The following HOMER2 variants were observed in gnomAD, a reference collection of about 807,000 sequenced individuals.
The protein encoded by HOMER2 is homer scaffold protein 2, also known as homer protein homolog 2.
In HOMER2, 27 loss-of-function variants were observed where a neutral mutation model predicts 47.0. The observed-to-expected ratio is 0.57, with a 90% CI of 0.42 to 0.79. The LOEUF (loss-of-function observed/expected upper bound fraction) is 0.79, where lower values mean the gene tolerates loss of function less well. Among genes scored for constraint, HOMER2 ranks in the 30% least tolerant of loss-of-function variants. The probability of loss-of-function intolerance (pLI) is 0.00; values close to 1 mark genes in which losing one functional copy is unlikely to be tolerated. For missense variants in HOMER2, 443 were observed against 435.0 expected (o/e 1.02, Z -0.16); for synonymous variants, 161 against 163.8 (o/e 0.98, Z 0.13).
chr15:82,962,497 C>T (rs539455137), intron 1 of HOMER2, among the ~76,000 whole-genome samples: 22 of 151,756 alleles, frequency 1.4e-4, no homozygotes, highest in Admixed American at 8.5e-4. Context: ...ACCAACACGG[C>T]GAAATGCTGT....
intron 4 of HOMER2, 163 bp from the exon 5 acceptor site, chr15:82,859,298 G>T: frequency 1.7e-5 from 13 of 746,828 alleles, no homozygotes; most frequent in Admixed American, 3.7e-5. Context: ...AGACTAACAA[G>T]TTTTTGTTTT....
chr15:82,850,424 C>G (rs1324164266), intron 8 of HOMER2, among the ~76,000 whole-genome samples: 2 of 152,228 alleles, frequency 1.3e-5, no homozygotes, highest in Non-Finnish European at 2.9e-5. Flanking sequence ...TCTGTGCACC[C>G]TCTGATGCTG....
chr15:82,842,305 T>C (rs902468673), exon 2 of HOMER2: 1 of 151,898 alleles, frequency 6.6e-6, no homozygotes, highest in Non-Finnish European at 1.5e-5. Context: ...TTGGAAGGTT[T>C]TTTTTTTGTT....
intron 1 of HOMER2, among the ~76,000 whole-genome samples, chr15:82,915,865 AG>A (rs1411279307): frequency 1.3e-5 from 2 of 152,232 alleles, no homozygotes; most frequent in African/African-American, 4.8e-5. Context: ...AATGCCCCAA[AG>A]TTGAGGATTG....
At chr15:82,959,335 T>G (rs2054611540) in intron 1 of HOMER2, 1 of 152,236 alleles carries the variant, frequency 6.6e-6, no homozygotes, top group Non-Finnish European at 1.5e-5. Context: ...GTAAATAGAT[T>G]CAGGGTGGTG....
intron 1 of HOMER2, among the ~76,000 whole-genome samples, chr15:82,962,488 C>A (rs576942897): frequency 6.6e-6 from 1 of 151,966 alleles, no homozygotes; most frequent in Non-Finnish European, 1.5e-5. Context: ...ACCAGCCTGA[C>A]CAACACGGCG....
chr15:82,965,391 T>C (rs578117014), intron 1 of HOMER2, among the ~76,000 whole-genome samples: 2 of 152,288 alleles, frequency 1.3e-5, no homozygotes, highest in East Asian at 1.9e-4. Context: ...TTTTAGGAAA[T>C]GCTGAAATAA....
At chr15:82,952,410 G>T in intron 1 of HOMER2, 121 bp downstream of exon 1, 1 of 692,484 alleles carries the variant, frequency 1.4e-6, no homozygotes, top group Non-Finnish European at 1.9e-6. Context: ...GTGTGCGCTC[G>T]CTCCGGCTTG....
downstream of HOMER2, chr15:82,845,006 A>G (rs1048760456): frequency 2.6e-5 from 4 of 152,108 alleles, no homozygotes; most frequent in African/African-American, 9.7e-5. Context: ...GGCCCAGGAG[A>G]ACACTTTGCC....
intron 1 of HOMER2, among the ~76,000 whole-genome samples, chr15:82,961,105 G>T (rs2054627353): frequency 6.6e-6 from 1 of 152,188 alleles, no homozygotes; most frequent in Non-Finnish European, 1.5e-5. Flanking sequence ...CTCTCCAACT[G>T]CTTGCCCCGC....
intron 3 of HOMER2, among the ~76,000 whole-genome samples, chr15:82,868,523 TTATA>T (rs1244361918): frequency 5.5e-5 from 2 of 36,646 alleles, no homozygotes; most frequent in Non-Finnish European, 9.3e-5. Flanking sequence ...CTTATTTATT[TTATA>T]TATATATATA....
At chr15:82,847,422 G>A (rs1302591539), downstream of HOMER2, among the ~76,000 whole-genome samples, 1 of 152,184 alleles carries the variant, frequency 6.6e-6, no homozygotes, top group African/African-American at 2.4e-5. Flanking sequence ...CAGCTGTAGA[G>A]CTGGACACAC....
At chr15:82,849,980 C>A in intron 8 of HOMER2, 77 bp from the exon 9 acceptor site, 1 of 1,439,240 alleles carries the variant, frequency 6.9e-7, no homozygotes, top group Non-Finnish European at 9.6e-7. Context: ...ACAGCTGAAC[C>A]AACCATTCTC....
In HOMER2 at chr15:82,849,447, C is replaced by T; in HGVS notation, c.*268G>A. 2.0e-6 allele frequency: 1 copy of T among 488,750 alleles called. No homozygotes were observed. The highest frequency in any genetic ancestry group is 3.4e-5 in the East Asian group (1 of 29,756). 30.3% of individuals were successfully genotyped at this position (488,750 alleles called of 1,614,324 possible). On this transcript the variant is annotated 3_prime_UTR_variant, in exon 9 of 9. Coordinates refer to ENST00000450735, the MANE Select transcript of HOMER2 (RefSeq NM_004839.4). The stretch of plus-strand genomic sequence containing the variant: ...AGCCCTTATGAAAGATATAAACATC[C>T]CTGCCCTGACTGCATAAATGTTGAA...
At chr15:82,957,972 G>A (rs1384327554), downstream of HOMER2, among the ~76,000 whole-genome samples, 6 of 152,148 alleles carry the variant, frequency 3.9e-5, no homozygotes, top group Non-Finnish European at 5.9e-5. Flanking sequence ...CAAGTAGCTC[G>A]GATTAGAGGC....
chr15:82,841,027 C>T (rs768706542), exon 2 of HOMER2: 2 of 152,042 alleles, frequency 1.3e-5, no homozygotes, highest in Non-Finnish European at 2.9e-5. Context: ...AACTATTCAT[C>T]TTATTTAGGT....
At chr15:82,882,883 T>TACTGAAACACATCCACTCC (rs1567033115) in intron 2 of HOMER2, among the ~76,000 whole-genome samples, 9 of 61,660 alleles carry the variant, frequency 1.5e-4, no homozygotes, top group South Asian at 9.9e-4. Context: ...AGCCACTGCT[T>TACTGAAACACATCCACTCC]TTTTTTTTTT....
chr15:82,864,199 C>T lies in HOMER2; in HGVS notation c.355G>A (p.Glu119Lys), dbSNP rs1381508010. 1 of 1,611,154 alleles carries T rather than the reference C, an allele frequency of 6.2e-7. No individual in the cohort carries two copies. The highest frequency in any genetic ancestry group is 1.3e-5 in the African/African-American group (1 of 74,830). The change falls in exon 4 of 9, where the codon GAG (glutamate) becomes AAG (lysine). Residue 119 changes from glutamate to lysine, a missense_variant. Coordinates refer to ENST00000450735, the MANE Select transcript of HOMER2 (RefSeq NM_004839.4). ...TGATTACTTGAGGTCTCGATTTTCT[C>T]CTGCGTCTTGTCTTTGGCTATCTTG... ...AAKIAKDKTQ[E>K]KIETSSNHSQ...
rs188328460 is a variant in HOMER2 at position 82,925,615 on chromosome 15, T to C, written c.5+26916A>G. Among the ~76,000 whole-genome samples the C allele has an allele frequency of 6.7e-4, 102 of 152,310 alleles. 1 individual carries two copies. In the East Asian group the frequency reaches 0.018, roughly 26 times the overall value. ...AAATTTCCCTTTGGCTGTGTAACCC[T>C]TAAGAGTTCCTTCTTCCCTTTGACC... On this transcript the variant is annotated intron_variant, in intron 1 of 8. Coordinates refer to ENST00000450735, the MANE Select transcript of HOMER2 (RefSeq NM_004839.4).
Sources: gnomAD v4.1 joint callset for allele counts (sites outside exome capture counted in the v4.1 genomes callset) on GRCh38, gnomAD v4.1.1 for gene constraint, MANE v1.5 for transcripts, NCBI Gene and HGNC (gene_info 2026-07-23, HGNC 2026-07-21) for gene names.